Variants in SEPTIN10 observed in about 807,000 individuals in gnomAD.
SEPTIN10 encodes septin-10.
A neutral mutation model predicts 54.8 loss-of-function variants in SEPTIN10; 66 were observed. That is an observed-to-expected ratio of 1.21 (90% CI 0.99 to 1.48). The LOEUF (loss-of-function observed/expected upper bound fraction) is 1.48, where lower values mean the gene tolerates loss of function less well. Among genes scored for constraint, SEPTIN10 ranks in the 40% most tolerant of loss-of-function variants. The pLI is 0.00. For missense variants in SEPTIN10, 620 were observed against 545.6 expected, an observed-to-expected ratio of 1.14 and a Z score of -1.36; for synonymous variants, 161 against 181.0, an observed-to-expected ratio of 0.89 and a Z score of 0.89.
Position 109,574,720 on chromosome 2 carries a change from A to AGATAG in SEPTIN10, c.456_460dup (p.Leu154ProfsTer7). The AGATAG allele has an allele frequency of 3.1e-6, 5 of 1,604,930 alleles. No homozygotes were observed. Among genetic ancestry groups the AGATAG allele is most frequent in the Non-Finnish European group, 4.3e-6 (5 of 1,175,666 alleles). On this transcript the variant is annotated frameshift_variant, in exon 5 of 11. Coordinates refer to ENST00000397712, the MANE Select transcript of SEPTIN10 (RefSeq NM_144710.5). LOFTEE classifies it high-confidence loss of function. ...ACGCTTAATCTTCAGTTCTTCTTGG[A>AGATAG]GATAGGCCTCAAACTGAGCATCTAT...
chr2:109,585,645 T>C lies in SEPTIN10; in HGVS notation c.217+76A>G. The stretch of plus-strand genomic sequence containing the variant: ...TTTCAAATTGATAACATGAGCATTG[T>C]TCTGCCCATGACAAGAATGAAGTGA... On this transcript the variant is annotated intron_variant, in intron 3 of 10. Transcript: ENST00000397712. 9.2e-6 allele frequency: 9 copies of C among 980,254 alleles called. No homozygotes were observed. In the South Asian group the frequency reaches 9.3e-5, roughly 10 times the overall value. 60.7% of individuals were successfully genotyped at this position (980,254 alleles called of 1,614,324 possible).
At chr2:109,552,819 A>G in intron 9 of SEPTIN10, 2 of 355,690 alleles carry the variant, frequency 5.6e-6, no homozygotes, top group South Asian at 9.8e-5. Flanking sequence ...CCAAGAGGGT[A>G]GCTGCTGCAG....
At chr2:109,549,510 C>T (rs2104667790) in intron 9 of SEPTIN10, among the ~76,000 whole-genome samples, 1 of 152,306 alleles carries the variant, frequency 6.6e-6, no homozygotes, top group East Asian at 1.9e-4. Flanking sequence ...ATGAAGCATG[C>T]ATTCATGGTT....
rs549595326 is a variant in SEPTIN10 at position 109,613,854 on chromosome 2, G to C, written c.-27C>G. The C allele has an allele frequency of 8.1e-7, 1 of 1,235,472 alleles. No individual in the cohort carries two copies. The highest frequency in any genetic ancestry group is 4.2e-5 in the Admixed American group (1 of 23,682). The allele number at this position is 1,235,472 out of a possible 1,614,324, so 76.5% of individuals were successfully genotyped here. A position where few individuals can be genotyped will look rare whatever the true frequency, so the allele number is the denominator to read the frequency against. On this transcript the variant is annotated 5_prime_UTR_variant, in exon 1 of 11. Coordinates refer to ENST00000397712, the MANE Select transcript of SEPTIN10 (RefSeq NM_144710.5). ...GTCGCGGGCAGGGGCACGGTGAAGC[G>C]GCTGTATCAGCCCGGCCCCGAGCGG...
At chr2:109,545,695 C>T in intron 10 of SEPTIN10, 1 of 1,460,154 alleles carries the variant, frequency 6.8e-7, no homozygotes, top group South Asian at 1.5e-5. Flanking sequence ...CAAAATAACT[C>T]ATGGTAGGTC....
intron 7 of SEPTIN10, among the ~76,000 whole-genome samples, chr2:109,565,559 G>A (rs996731593): frequency 3.3e-5 from 5 of 152,148 alleles, no homozygotes; most frequent in African/African-American, 4.8e-5. Context: ...ACAGGGTACC[G>A]TGGGGGCGGG....
At chr2:109,598,311 G>T (rs1454580712) in intron 1 of SEPTIN10, among the ~76,000 whole-genome samples, 4 of 151,972 alleles carry the variant, frequency 2.6e-5, no homozygotes, top group African/African-American at 9.6e-5. Flanking sequence ...CAGGTGATCC[G>T]CCCACCTCAG....
intron 9 of SEPTIN10, among the ~76,000 whole-genome samples, chr2:109,550,233 T>C (rs1009360187): frequency 6.6e-6 from 1 of 151,476 alleles, no homozygotes; most frequent in Admixed American, 6.6e-5. Flanking sequence ...AAGGTTGCGG[T>C]AAGCTGAGAT....
rs1333013004 is a variant in SEPTIN10, at chr2:109,543,398, C to T, written c.*911G>A. The T allele has an allele frequency of 6.6e-6, 1 of 152,048 alleles. No homozygotes were observed. Among genetic ancestry groups the T allele is most frequent in the Non-Finnish European group, 1.5e-5 (1 of 68,008 alleles). The allele number at this position is 152,048 out of a possible 1,614,324, so 9.4% of individuals were successfully genotyped here. A position where few individuals can be genotyped will look rare whatever the true frequency, so the allele number is the denominator to read the frequency against. ...CTTTTAAAGATATTTTGTTTCACCA[C>T]AGTAATACGTCAGCCATAATAAGGC... On this transcript the variant is annotated 3_prime_UTR_variant, in exon 11 of 11. Transcript: ENST00000397712.
intron 10 of SEPTIN10, chr2:109,545,100 G>A: frequency 1.0e-6 from 1 of 985,446 alleles, no homozygotes; most frequent in Non-Finnish European, 1.2e-6. Flanking sequence ...GTCTGAAATA[G>A]ATGCAGTGAG....
intron 9 of SEPTIN10, among the ~76,000 whole-genome samples, chr2:109,546,570 T>C (rs1681307229): frequency 6.6e-6 from 1 of 151,018 alleles, no homozygotes; most frequent in Non-Finnish European, 1.5e-5. Flanking sequence ...CCATGCTCAA[T>C]AAAAATAAGA....
chr2:109,582,659 A>G (rs1407550636), intron 4 of SEPTIN10, among the ~76,000 whole-genome samples: 3 of 152,144 alleles, frequency 2.0e-5, no homozygotes, highest in African/African-American at 7.2e-5. Flanking sequence ...GTCATTTTTC[A>G]CAGAATTAGA....
chr2:109,577,573 C>CA (rs1167892343), intron 4 of SEPTIN10, among the ~76,000 whole-genome samples: 1 of 146,918 alleles, frequency 6.8e-6, no homozygotes, highest in Non-Finnish European at 1.5e-5. Flanking sequence ...GCCTCAGTGA[C>CA]AGAGTGAGAC....
intron 1 of SEPTIN10, among the ~76,000 whole-genome samples, chr2:109,596,308 T>G (rs1329716685): frequency 2.0e-5 from 3 of 152,158 alleles, no homozygotes; most frequent in Admixed American, 2.0e-4. Flanking sequence ...AAGTAAAATT[T>G]GCTTAGAAAA....
chr2:109,592,887 A>AT (rs111770310), intron 2 of SEPTIN10, among the ~76,000 whole-genome samples, 164 bp downstream of exon 2: 3,816 of 152,308 alleles, frequency 0.025, 175 homozygotes, highest in African/African-American at 0.086. Context: ...TATTCAATCC[A>AT]TCATCGACTT....
intron 8 of SEPTIN10, among the ~76,000 whole-genome samples, chr2:109,554,016 T>C (rs997096741): frequency 1.3e-5 from 2 of 152,220 alleles, no homozygotes; most frequent in East Asian, 1.9e-4. Context: ...GTTCGTATGG[T>C]ATATTTCTGG....
chr2:109,598,455 G>A (rs977270903), intron 1 of SEPTIN10, among the ~76,000 whole-genome samples: 5 of 152,144 alleles, frequency 3.3e-5, no homozygotes, highest in African/African-American at 1.2e-4. Flanking sequence ...TTTTTAAACT[G>A]TCCCTTGGGA....
intron 1 of SEPTIN10, among the ~76,000 whole-genome samples, chr2:109,598,053 G>A (rs1041783881): frequency 2.0e-5 from 3 of 151,998 alleles, no homozygotes; most frequent in Non-Finnish European, 4.4e-5. Flanking sequence ...TTAGCTTTAT[G>A]TTTTTTTGTT....
chr2:109,569,089 T>TCATA (rs1687752697), intron 5 of SEPTIN10, among the ~76,000 whole-genome samples: 1 of 152,098 alleles, frequency 6.6e-6, no homozygotes, highest in African/African-American at 2.4e-5. Flanking sequence ...GGCTAATCAG[T>TCATA]CATATGTATC....
Sources: allele counts gnomAD v4.1 joint callset (sites outside exome capture counted in the v4.1 genomes callset), GRCh38; gene constraint gnomAD v4.1.1; transcripts MANE v1.5; gene names NCBI Gene and HGNC (gene_info 2026-07-23, HGNC 2026-07-21).